ANKHD1: variants seen among roughly 807,000 people sequenced by gnomAD.
ANKHD1 encodes ankyrin repeat and KH domain containing 1.
ANKHD1 carries 31 observed loss-of-function variants against 230.5 expected under a neutral mutation model. The observed-to-expected ratio is 0.13, with a 90% confidence interval of 0.10 to 0.18. ANKHD1 has a LOEUF of 0.18. Among genes scored for constraint, ANKHD1 ranks in the 10% least tolerant of loss-of-function variants. The pLI is 1.00. For synonymous variants in ANKHD1, 1,074 were observed against 1,117.6 expected (o/e 0.96, Z 0.78); for missense variants, 2,256 against 3,071.3 (o/e 0.73, Z 6.27).
chr5:140,404,703 G>A (rs1311779332), intron 1 of ANKHD1, among the ~76,000 whole-genome samples: 1 of 151,348 alleles, frequency 6.6e-6, no homozygotes, highest in African/African-American at 2.4e-5. Context: ...GGGATTACAG[G>A]CATGAGCCAC....
intron 1 of ANKHD1, among the ~76,000 whole-genome samples, chr5:140,426,804 C>T (rs1772459559): frequency 6.6e-6 from 1 of 152,200 alleles, no homozygotes; most frequent in African/African-American, 2.4e-5. Context: ...GTGGATACAG[C>T]ACATGTTTCA....
chr5:140,472,423 C>T (rs2126998558), intron 10 of ANKHD1: 1 of 1,404,698 alleles, frequency 7.1e-7, no homozygotes, highest in Non-Finnish European at 9.3e-7. Context: ...AGGAAATCCT[C>T]TTCAATTGAA....
intron 10 of ANKHD1, among the ~76,000 whole-genome samples, chr5:140,476,865 A>C (rs1261073558): frequency 6.6e-6 from 1 of 151,784 alleles, no homozygotes; most frequent in African/African-American, 2.4e-5. Flanking sequence ...AGAAAACAAT[A>C]GCAGGAAATC....
intron 1 of ANKHD1, among the ~76,000 whole-genome samples, chr5:140,422,469 A>G (rs952099675): frequency 6.6e-6 from 1 of 152,068 alleles, no homozygotes; most frequent in African/African-American, 2.4e-5. Context: ...AGAGCCTACT[A>G]TTTGTTAAGC....
Position 140,527,426 on chromosome 5 carries a change from A to T in ANKHD1, c.5087+352A>T. ...CAGAATACATGTCAGCTCATCATTG[A>T]CCTGAGGCTTTATTTTTTATTGCTA... On this transcript the variant is annotated intron_variant, in intron 27 of 33. Coordinates refer to ENST00000360839, the MANE Select transcript of ANKHD1 (RefSeq NM_017747.3). This position sits in a 1 kb window ranked among gnomAD's most constrained non-coding sequence, Gnocchi z 4.5. The T allele has an allele frequency of 4.5e-6, 1 of 221,080 alleles. No homozygotes were observed. Among genetic ancestry groups the T allele is most frequent in the Non-Finnish European group, 8.9e-6 (1 of 112,004 alleles). The allele number at this position is 221,080 out of a possible 1,614,324, so 13.7% of individuals were successfully genotyped here. A position where few individuals can be genotyped will look rare whatever the true frequency, so the allele number is the denominator to read the frequency against.
chr5:140,455,307 C>A (rs1379212882), intron 7 of ANKHD1, among the ~76,000 whole-genome samples: 1 of 152,130 alleles, frequency 6.6e-6, no homozygotes, highest in African/African-American at 2.4e-5. Flanking sequence ...TGGTACCATC[C>A]CTTTTGAAAC....
chr5:140,428,190 G>A (rs1475630981), intron 1 of ANKHD1, among the ~76,000 whole-genome samples: 5 of 151,006 alleles, frequency 3.3e-5, no homozygotes, highest in Admixed American at 6.6e-5. Context: ...CATCCCAGAC[G>A]ATGGGCGGCC....
chr5:140,530,433 G>A (rs1349894611), intron 29 of ANKHD1, among the ~76,000 whole-genome samples: 1 of 152,064 alleles, frequency 6.6e-6, no homozygotes, highest in African/African-American at 2.4e-5. Flanking sequence ...GGCTGGTCTC[G>A]AACTCCTGTG....
At chr5:140,429,860 G>A (rs1772895564) in intron 1 of ANKHD1, among the ~76,000 whole-genome samples, 1 of 152,192 alleles carries the variant, frequency 6.6e-6, no homozygotes, top group Non-Finnish European at 1.5e-5. Context: ...ATGTGGACGT[G>A]AGTTTTGGTT....
chr5:140,428,236 C>T (rs1772704632), intron 1 of ANKHD1, among the ~76,000 whole-genome samples: 1 of 152,296 alleles, frequency 6.6e-6, no homozygotes, highest in African/African-American at 2.4e-5. Context: ...GACGGGGTGG[C>T]GGCCGGGCAG....
In ANKHD1 at chr5:140,438,551, A is replaced by G; in HGVS notation, c.551A>G (p.Asp184Gly). 6.2e-7 allele frequency: 1 copy of G among 1,613,452 alleles called. No homozygotes were observed. The highest frequency in any genetic ancestry group is 1.1e-5 in the South Asian group (1 of 90,944). ...ACATCCTCAGTTAGTTGTGCACTGG[A>G]TGAAGCTGCTGCTGCACTGACACGG... ...RLTSSVSCAL[D>G]EAAAALTRMK... Residue 184 changes from aspartate (D) to glycine (G), a missense_variant, in exon 3 of 34, where the codon GAT becomes GGT. This residue lies in a region of ANKHD1 where 206 missense variants were observed against 304.5 expected (regional missense o/e 0.68). Coordinates refer to ENST00000360839, the MANE Select transcript of ANKHD1 (RefSeq NM_017747.3).
intron 14 of ANKHD1, among the ~76,000 whole-genome samples, chr5:140,495,908 G>A (rs553573692): frequency 6.6e-6 from 1 of 152,048 alleles, no homozygotes; most frequent in East Asian, 1.9e-4. Flanking sequence ...ATGTGTTAAA[G>A]GTATATTTAA....
At chr5:140,525,909 T>C (rs1170338965) in intron 25 of ANKHD1, 87 bp from the exon 26 acceptor site, 1 of 1,424,360 alleles carries the variant, frequency 7.0e-7, no homozygotes, top group East Asian at 2.5e-5. Flanking sequence ...AAACACTGAA[T>C]TATTATGAAT....
chr5:140,452,914 T>C (rs1774864270), intron 7 of ANKHD1, among the ~76,000 whole-genome samples: 1 of 152,136 alleles, frequency 6.6e-6, no homozygotes, highest in Admixed American at 6.6e-5. Flanking sequence ...ACAATCAAAC[T>C]TCTCTGAGCT....
At chr5:140,495,470 C>T (rs1391090711) in intron 14 of ANKHD1, among the ~76,000 whole-genome samples, 1 of 152,078 alleles carries the variant, frequency 6.6e-6, no homozygotes, top group Non-Finnish European at 1.5e-5. Flanking sequence ...TGGTCTCGAT[C>T]TCCTGACCTT....
intron 6 of ANKHD1, among the ~76,000 whole-genome samples, chr5:140,447,643 G>A (rs183016897): frequency 2.0e-5 from 3 of 152,322 alleles, no homozygotes; most frequent in Non-Finnish European, 4.4e-5. Flanking sequence ...AAGGTAAGCC[G>A]TTTAGGGCTA....
chr5:140,444,895 C>G (rs890493509), intron 5 of ANKHD1, among the ~76,000 whole-genome samples: 1 of 152,082 alleles, frequency 6.6e-6, no homozygotes, highest in Non-Finnish European at 1.5e-5. Context: ...TTGTTCAGAT[C>G]TTTATAACAT....
intron 1 of ANKHD1, among the ~76,000 whole-genome samples, chr5:140,403,181 C>G (rs967568102): frequency 2.0e-5 from 3 of 151,618 alleles, no homozygotes; most frequent in Non-Finnish European, 4.4e-5. Flanking sequence ...GTTGGTCAGG[C>G]TGGTCTCGAA....
intron 7 of ANKHD1, among the ~76,000 whole-genome samples, chr5:140,455,735 A>C (rs1581271580): frequency 6.6e-6 from 1 of 152,210 alleles, no homozygotes; most frequent in Admixed American, 6.5e-5. Context: ...AGAGCTATCT[A>C]TGACAACCCC....
Sources: allele counts gnomAD v4.1 joint callset (sites outside exome capture counted in the v4.1 genomes callset), GRCh38; gene constraint gnomAD v4.1.1; regional missense constraint gnomAD v4.1.1; non-coding constraint Gnocchi (gnomAD v3.1); transcripts MANE v1.5; gene names NCBI Gene and HGNC (gene_info 2026-07-23, HGNC 2026-07-21).